Variants in POLR2E observed in about 807,000 individuals in gnomAD.
POLR2E encodes RNA polymerase II, I and III subunit E, also known as DNA-directed RNA polymerases I, II, and III subunit RPABC1.
In POLR2E, 35 loss-of-function variants were observed where a neutral mutation model predicts 29.8. The ratio of observed to expected loss-of-function variants is 1.17; its 90% CI spans 0.90 to 1.55. POLR2E has a LOEUF of 1.55. POLR2E is among the 40% of genes most tolerant of loss of function. The pLI, the probability that POLR2E is intolerant of heterozygous loss-of-function variation, is 0.00. For missense variants in POLR2E, 287 were observed against 288.6 expected (o/e 0.99, Z 0.04); for synonymous variants, 174 against 112.6 (o/e 1.55, Z -3.45).
rs754819307 is a variant in POLR2E at position 1,089,461 on chromosome 19, G to A, written c.*14+11C>T. The A allele has an allele frequency of 3.8e-5, 61 of 1,595,988 alleles. 2 individuals carry two copies. Among genetic ancestry groups the A allele is most frequent in the Admixed American group, 1.0e-4 (6 of 59,884 alleles). On this transcript the variant is annotated intron_variant, in intron 7 of 7. Transcript: ENST00000615234. ...GACCCCACCTCAGTGCCTGTCCCTC[G>A]GCCGTCTCACCTGTCAGGCGGTAGC...
rs572946875 is a variant in POLR2E, at chr19:1,095,354, C to T, written c.-39G>A. ...GCCGCCGCCGCTCGCACCCCTTCTCCGCGCGAGAACCCGCGCGGACTGCGC... is the reference window on the plus strand; with the variant it reads ...GCCGCCGCCGCTCGCACCCCTTCTCTGCGCGAGAACCCGCGCGGACTGCGC... On this transcript the variant is annotated 5_prime_UTR_variant, in exon 1 of 8. Coordinates refer to ENST00000615234, the MANE Select transcript of POLR2E (RefSeq NM_002695.5). 3 of 1,610,904 alleles carry T rather than the reference C, an allele frequency of 1.9e-6. No individual in the cohort carries two copies. The Admixed American group carries it at 5.0e-5, about 27-fold the overall frequency.
chr19:1,091,708 G>T, intron 3 of POLR2E, 84 bp downstream of exon 3: 1 of 941,030 alleles, frequency 1.1e-6, no homozygotes, highest in Non-Finnish European at 1.7e-6. Flanking sequence ...CAAAGCCCAA[G>T]GCACGTGGGC....
chr19:1,093,217 C>T (rs868369989), intron 2 of POLR2E, among the ~76,000 whole-genome samples: 4 of 152,102 alleles, frequency 2.6e-5, no homozygotes, highest in Admixed American at 2.6e-4. Flanking sequence ...AACAAAAAAA[C>T]CCAGCAGCGT....
In POLR2E at chr19:1,088,904, C is replaced by T. The variant is rs572592119; in HGVS notation, c.*15-184G>A. ...CAGGCGTGGGCAGTAGCTCTGACCT[C>T]AAAGGAACCGTGCCAGCGTCAGACC... is the stretch of plus-strand genomic sequence containing the variant. On this transcript the variant is annotated intron_variant, in intron 7 of 7. Coordinates refer to ENST00000615234, the MANE Select transcript of POLR2E (RefSeq NM_002695.5). 2.0e-5 allele frequency among the ~76,000 whole-genome samples: 3 copies of T among 152,286 alleles called. No homozygotes were observed. The South Asian group carries it at 6.2e-4, about 32-fold the overall frequency.
chr19:1,091,747 G>T, intron 3 of POLR2E, 45 bp downstream of exon 3: 2 of 1,306,702 alleles, frequency 1.5e-6, no homozygotes, highest in African/African-American at 1.4e-5. Context: ...GCGGGAGGAG[G>T]CTGGGGAGGG....
In POLR2E at chr19:1,087,175, G is replaced by C. The variant is rs147936790; in HGVS notation, c.*1560C>G. 3 of 151,602 alleles carry C rather than the reference G, an allele frequency of 2.0e-5. No homozygotes were observed. The highest frequency in any genetic ancestry group is 4.4e-5 in the Non-Finnish European group (3 of 67,916). 9.4% of individuals were successfully genotyped at this position (151,602 alleles called of 1,614,324 possible). ...CCAGGTAATCTTAAAGTTTTTTGTA[G>C]AGGTGGGGGGTTTCTCTGTGTTGCC... On this transcript the variant is annotated 3_prime_UTR_variant, in exon 8 of 8. Coordinates refer to ENST00000615234, the MANE Select transcript of POLR2E (RefSeq NM_002695.5).
intron 4 of POLR2E, among the ~76,000 whole-genome samples, chr19:1,090,481 T>TTTG (rs1202696837): frequency 4.7e-5 from 7 of 148,658 alleles, no homozygotes; most frequent in Non-Finnish European, 9.0e-5. Context: ...TTTTTTTTTT[T>TTTG]TTGAGATGGA....
chr19:1,091,402 A>T (rs2043826088), intron 3 of POLR2E: 1 of 361,920 alleles, frequency 2.8e-6, no homozygotes, highest in Admixed American at 4.1e-5. Flanking sequence ...CGACAGACAG[A>T]CGGGGAACAC....
chr19:1,092,288 T>A (rs1012627824), intron 2 of POLR2E: 2 of 194,084 alleles, frequency 1.0e-5, no homozygotes, highest in Admixed American at 5.4e-5. Flanking sequence ...AAGCATCACC[T>A]GAGGCCGGGT....
In POLR2E at chr19:1,092,874, C is replaced by T. The variant is rs182488537; in HGVS notation, c.233-967G>A. Among the ~76,000 whole-genome samples, 3 of 116,318 alleles carry T rather than the reference C, an allele frequency of 2.6e-5. No individual in the cohort carries two copies. In the East Asian group the frequency reaches 7.8e-4, roughly 30 times the overall value. 76.3% of individuals were successfully genotyped at this position (116,318 alleles called of 152,430 possible). A position where few individuals can be genotyped will look rare whatever the true frequency, so the allele number is the denominator to read the frequency against. On this transcript the variant is annotated intron_variant, in intron 2 of 7. Transcript: ENST00000615234. ...CTCCAGCCTGGGTGACAGAGGGAGA[C>T]TCAGTCTCAAAAAAAAAAAAAAAAA... is the stretch of plus-strand genomic sequence containing the variant.
intron 1 of POLR2E, 79 bp downstream of exon 1, chr19:1,095,180 G>C: frequency 7.0e-7 from 1 of 1,425,316 alleles, no homozygotes; most frequent in Non-Finnish European, 9.8e-7. Flanking sequence ...AGAGTACGAG[G>C]AGACGCCGTG....
chr19:1,093,453 G>A (rs956496889), intron 2 of POLR2E, among the ~76,000 whole-genome samples: 4 of 152,018 alleles, frequency 2.6e-5, no homozygotes, highest in Non-Finnish European at 5.9e-5. Flanking sequence ...AGTACCGGAC[G>A]CTGACAGGGG....
intron 1 of POLR2E, 164 bp downstream of exon 1, chr19:1,095,095 G>T: frequency 1.5e-6 from 1 of 675,676 alleles, no homozygotes; most frequent in Non-Finnish European, 2.5e-6. Context: ...CTCAGGTCGG[G>T]TCCAGCGCCT....
chr19:1,093,478 G>C (rs1170420905), intron 2 of POLR2E, among the ~76,000 whole-genome samples: 1 of 152,128 alleles, frequency 6.6e-6, no homozygotes, highest in South Asian at 2.1e-4. Context: ...GGGGCATGGG[G>C]TGCGGAGGAA....
rs11541898 is a variant in POLR2E, at chr19:1,091,800, C to A, written c.340G>T (p.Ala114Ser). Residue 114 changes from alanine to serine, a missense_variant, in exon 3 of 8, where the codon GCC becomes TCC. By Grantham distance (99) the Ala-to-Ser change is moderately conservative. Transcript: ENST00000615234. Reference protein sequence around the residue: ...IVVQQGMTPSAKQSLVDMAPK... With the variant: ...IVVQQGMTPSSKQSLVDMAPK... ...GGGGCAGGGGTGCCCACCTGCTTGG[C>A]GGAGGGTGTCATGCCCTGCTGCACC... The A allele has an allele frequency of 8.1e-6, 13 of 1,605,402 alleles. No individual in the cohort carries two copies. The highest frequency in any genetic ancestry group is 9.4e-6 in the Non-Finnish European group (11 of 1,175,866).
intron 4 of POLR2E, 35 bp downstream of exon 4, chr19:1,090,873 C>A: frequency 6.3e-7 from 1 of 1,582,214 alleles, no homozygotes. Flanking sequence ...TCTCTGCCGG[C>A]CCCACGCAGG....
chr19:1,092,568 G>C lies in POLR2E; in HGVS notation c.233-661C>G, dbSNP rs11882546. On this transcript the variant is annotated intron_variant, in intron 2 of 7. Coordinates refer to ENST00000615234, the MANE Select transcript of POLR2E (RefSeq NM_002695.5). ...TACAAAAAATTAGCCCACGCCCGCA[G>C]TCCCAGCTACTCGGGAGGCTGAGGC... Among the ~76,000 whole-genome samples, 344 of 152,052 alleles carry C rather than the reference G, an allele frequency of 2.3e-3. 4 individuals are homozygous for C. The highest frequency in any genetic ancestry group is 7.6e-3 in the African/African-American group (315 of 41,490).
intron 2 of POLR2E, among the ~76,000 whole-genome samples, chr19:1,092,780 C>G (rs1419507093): frequency 6.7e-6 from 1 of 148,468 alleles, no homozygotes; most frequent in Non-Finnish European, 1.5e-5. Flanking sequence ...TTTTGGGAGG[C>G]TGAGGTGGAA....
At chr19:1,093,582 C>G (rs1239528245) in intron 2 of POLR2E, 2 of 353,618 alleles carry the variant, frequency 5.7e-6, no homozygotes, top group African/African-American at 2.2e-5. Flanking sequence ...GAAGTGCACC[C>G]AACGGCCAGG....
Sources: gnomAD v4.1 joint callset for allele counts (sites outside exome capture counted in the v4.1 genomes callset) on GRCh38, gnomAD v4.1.1 for gene constraint, MANE v1.5 for transcripts, NCBI Gene and HGNC (gene_info 2026-07-23, HGNC 2026-07-21) for gene names.